RETREG1: variants seen among roughly 807,000 people sequenced by gnomAD.
RETREG1 encodes the protein reticulophagy regulator 1, also known as family with sequence similarity 134 member B.
Under a neutral mutation model 54.8 loss-of-function variants are expected in RETREG1, and 44 were observed. The observed-to-expected ratio is 0.80, with a 90% confidence interval of 0.63 to 1.03. The LOEUF (loss-of-function observed/expected upper bound fraction) is 1.03, where lower values mean the gene tolerates loss of function less well. Among genes scored for constraint, RETREG1 ranks in the 50% least tolerant of loss-of-function variants. The pLI is 0.00. For synonymous variants in RETREG1, 217 were observed against 238.5 expected (o/e 0.91, Z 0.83); for missense variants, 554 against 605.1 (o/e 0.92, Z 0.89).
chr5:16,505,482 C>T (rs1739915016), intron 3 of RETREG1, among the ~76,000 whole-genome samples: 1 of 152,182 alleles, frequency 6.6e-6, no homozygotes, highest in Admixed American at 6.5e-5. Context: ...CACCCTAGCT[C>T]CTGGCACCGC....
At chr5:16,567,373 T>C (rs557075327) in intron 2 of RETREG1, among the ~76,000 whole-genome samples, 6 of 152,250 alleles carry the variant, frequency 3.9e-5, no homozygotes, top group Non-Finnish European at 7.4e-5. Context: ...GGCTACCTGA[T>C]AGGCAACCAA....
chr5:16,604,972 G>A (rs1743145796), intron 1 of RETREG1, among the ~76,000 whole-genome samples: 1 of 152,034 alleles, frequency 6.6e-6, no homozygotes, highest in Non-Finnish European at 1.5e-5. Flanking sequence ...ATAGTATAGG[G>A]GTGACTACAA....
At chr5:16,572,213 CTT>C (rs11338270) in intron 1 of RETREG1, 111 bp from the exon 2 acceptor site, 18,325 of 549,084 alleles carry the variant, frequency 0.033, no homozygotes, top group Middle Eastern at 0.053. Flanking sequence ...AATGATTTCA[CTT>C]TTTTTTTTTT....
In RETREG1 at chr5:16,539,876, CAT is replaced by C. The variant is rs199619158; in HGVS notation, c.458+25885_458+25886del. ...TATCAAATATAACTGAATTGAATGA[CAT>C]GTTTTAAAATAACTTTTCTTTTTAA... On this transcript the variant is annotated intron_variant, in intron 3 of 8. Transcript: ENST00000306320. 2.2e-3 allele frequency among the ~76,000 whole-genome samples: 331 copies of C among 152,316 alleles called. 1 individual carries two copies. The highest frequency in any genetic ancestry group is 7.0e-3 in the African/African-American group (289 of 41,570).
intron 3 of RETREG1, among the ~76,000 whole-genome samples, chr5:16,505,704 C>T (rs1160771589): frequency 5.9e-5 from 9 of 152,160 alleles, no homozygotes; most frequent in South Asian, 2.1e-4. Flanking sequence ...TTGCTGAAGG[C>T]GTCAGAGGCC....
intron 3 of RETREG1, among the ~76,000 whole-genome samples, chr5:16,524,235 T>C (rs910820946): frequency 1.1e-4 from 16 of 152,174 alleles, no homozygotes; most frequent in African/African-American, 3.4e-4. Flanking sequence ...AGGCGACACA[T>C]GTGCTCCTGG....
At chr5:16,612,112 T>C (rs1185499705) in intron 1 of RETREG1, among the ~76,000 whole-genome samples, 1 of 150,522 alleles carries the variant, frequency 6.6e-6, no homozygotes, top group Non-Finnish European at 1.5e-5. Context: ...AATAACACCA[T>C]TTATACAAAG....
At chr5:16,520,866 G>T (rs76688111) in intron 3 of RETREG1, among the ~76,000 whole-genome samples, 2,027 of 152,228 alleles carry the variant, frequency 0.013, 56 homozygotes, top group African/African-American at 0.047. Context: ...GGAAAGAGGA[G>T]CAGGAGGTGG....
chr5:16,598,046 C>T (rs79372076), intron 1 of RETREG1, among the ~76,000 whole-genome samples: 2,801 of 152,144 alleles, frequency 0.018, 85 homozygotes, highest in African/African-American at 0.064. Context: ...CCTGCCCTGC[C>T]TCACCCCCTC....
intron 1 of RETREG1, among the ~76,000 whole-genome samples, chr5:16,572,350 T>C (rs989563461): frequency 3.9e-5 from 6 of 151,990 alleles, no homozygotes; most frequent in African/African-American, 1.5e-4. Flanking sequence ...GTAGCTGGGA[T>C]TATAGGCATG....
chr5:16,496,814 ACAC>A (rs1203736343), intron 3 of RETREG1, among the ~76,000 whole-genome samples: 1 of 152,228 alleles, frequency 6.6e-6, no homozygotes, highest in East Asian at 1.9e-4. Context: ...AAGCCATTAG[ACAC>A]TAAAGGGCCA....
rs1742616571 is a variant in RETREG1, at chr5:16,585,973, A to G, written c.321-13871T>C. Among the ~76,000 whole-genome samples, 1 of 152,162 alleles carries G rather than the reference A, an allele frequency of 6.6e-6. No individual in the cohort carries two copies. The highest frequency in any genetic ancestry group is 1.5e-5 in the Non-Finnish European group (1 of 68,026). Reference sequence around the variant, plus strand: ...CCCCACCTCCAACACTGGGGATCACATTGCAGCCTGAGATCTGGGCAGCAA... The same window carrying G: ...CCCCACCTCCAACACTGGGGATCACGTTGCAGCCTGAGATCTGGGCAGCAA... On this transcript the variant is annotated intron_variant, in intron 1 of 8. Coordinates refer to ENST00000306320, the MANE Select transcript of RETREG1 (RefSeq NM_001034850.3). The surrounding 1 kb of genome is among the most constrained non-coding windows in gnomAD (Gnocchi z 4.5).
At chr5:16,531,615 A>T (rs1475110023) in intron 3 of RETREG1, among the ~76,000 whole-genome samples, 4 of 152,132 alleles carry the variant, frequency 2.6e-5, no homozygotes, top group African/African-American at 9.7e-5. Context: ...GGGTGGCAGA[A>T]AAGGCCTCCC....
At chr5:16,541,744 GGAAGGAAGGAAGGAA>G (rs1741254059) in intron 3 of RETREG1, among the ~76,000 whole-genome samples, 215 of 44,502 alleles carry the variant, frequency 4.8e-3, no homozygotes, top group African/African-American at 0.021. Context: ...AGGGAGGGAA[GGAAGGAAGGAAGGAA>G]GGAAGGAAGG....
intron 3 of RETREG1, among the ~76,000 whole-genome samples, chr5:16,489,505 A>G (rs1159480135): frequency 6.6e-6 from 1 of 152,248 alleles, no homozygotes; most frequent in African/African-American, 2.4e-5. Context: ...ATGTGCTAGC[A>G]GCCTGTTTCA....
At chr5:16,551,502 C>T (rs968128084) in intron 3 of RETREG1, among the ~76,000 whole-genome samples, 2 of 152,080 alleles carry the variant, frequency 1.3e-5, no homozygotes, top group African/African-American at 4.8e-5. Context: ...CTTCTTATTT[C>T]TACTTGCCCA....
chr5:16,596,065 C>T (rs760563584), intron 1 of RETREG1, among the ~76,000 whole-genome samples: 2 of 152,192 alleles, frequency 1.3e-5, no homozygotes, highest in Non-Finnish European at 2.9e-5. Context: ...CATAATGTCA[C>T]CAGCTGAGGG....
intron 1 of RETREG1, among the ~76,000 whole-genome samples, chr5:16,601,936 C>T (rs996119606): frequency 3.3e-5 from 5 of 152,188 alleles, no homozygotes; most frequent in African/African-American, 9.6e-5. Context: ...ACACTGGAAG[C>T]GAGCAAGGAG....
intron 1 of RETREG1, among the ~76,000 whole-genome samples, chr5:16,599,635 T>A (rs1244126987): frequency 6.6e-6 from 1 of 152,160 alleles, no homozygotes; most frequent in Non-Finnish European, 1.5e-5. Flanking sequence ...GGTGCTGGGA[T>A]ACATGCCTGA....
Sources: allele counts gnomAD v4.1 joint callset (sites outside exome capture counted in the v4.1 genomes callset), GRCh38; gene constraint gnomAD v4.1.1; non-coding constraint Gnocchi (gnomAD v3.1); transcripts MANE v1.5; gene names NCBI Gene and HGNC (gene_info 2026-07-23, HGNC 2026-07-21).